The following BCAS3 variants were observed in gnomAD, a reference collection of about 807,000 sequenced individuals.
BCAS3 encodes the protein BCAS3 microtubule associated cell migration factor.
Under a neutral mutation model 116.1 loss-of-function variants are expected in BCAS3, and 53 were observed. The ratio of observed to expected loss-of-function variants is 0.46; its 90% CI spans 0.37 to 0.57. The LOEUF (loss-of-function observed/expected upper bound fraction) is 0.57. Among genes scored for constraint, BCAS3 ranks in the 20% least tolerant of loss-of-function variants. The pLI, the probability that BCAS3 is intolerant of heterozygous loss-of-function variation, is 0.00. For missense variants in BCAS3, 917 were observed against 1,165.4 expected (o/e 0.79, Z 3.10); for synonymous variants, 391 against 408.2 (o/e 0.96, Z 0.51).
At chr17:61,045,249 C>T (rs1459132869) in intron 19 of BCAS3, among the ~76,000 whole-genome samples, 1 of 151,906 alleles carries the variant, frequency 6.6e-6, no homozygotes, top group African/African-American at 2.4e-5. Context: ...TGGCTCATGC[C>T]TGTAATCCTG....
chr17:60,694,140 C>G (rs1280828018), intron 4 of BCAS3, among the ~76,000 whole-genome samples: 1 of 150,802 alleles, frequency 6.6e-6, no homozygotes, highest in African/African-American at 2.4e-5. Context: ...CCCGCTTCGG[C>G]CTTCCAAAGT....
At chr17:60,914,982 A>G (rs1289990774) in intron 12 of BCAS3, among the ~76,000 whole-genome samples, 2 of 152,192 alleles carry the variant, frequency 1.3e-5, no homozygotes, top group Non-Finnish European at 2.9e-5. Flanking sequence ...GAGGTCAACT[A>G]TACATGTAAA....
rs567226913 is a variant in BCAS3 at position 60,684,033 on chromosome 17, A to G, written c.135A>G (p.Pro45=). The part of the protein sequence containing the change: ...SVVTFLQDVV[P]QAYSGTPLTE... ...TGACTTTTCTGCAGGATGTTGTGCCACAGGTAAGTGTCTATATGTGCTTTC... is the reference window on the plus strand; with the variant it reads ...TGACTTTTCTGCAGGATGTTGTGCCGCAGGTAAGTGTCTATATGTGCTTTC... The change falls in exon 3 of 24, where the codon CCA becomes CCG. Residue 45 remains proline, a synonymous_variant. Transcript: ENST00000407086. 13 of 1,613,636 alleles carry G rather than the reference A, an allele frequency of 8.1e-6. No homozygotes were observed. Among genetic ancestry groups the G allele is most frequent in the Admixed American group, 1.7e-5 (1 of 59,982 alleles).
chr17:60,847,924 G>A (rs567992293), intron 7 of BCAS3, among the ~76,000 whole-genome samples: 24 of 152,202 alleles, frequency 1.6e-4, no homozygotes, highest in African/African-American at 5.5e-4. Flanking sequence ...CCAAATTCAA[G>A]GTCAGGAAGA....
In BCAS3 at chr17:61,098,335, C is replaced by A. The variant is rs1231212179; in HGVS notation, c.2425+13771C>A. ...CTTTCTGTTCTTAGTATTTAAGAGG[C>A]CTTCATAATCACAGAAGAGAGTGAT... On this transcript the variant is annotated intron_variant, in intron 22 of 23. Transcript: ENST00000407086. This position sits in a 1 kb window ranked among gnomAD's most constrained non-coding sequence, Gnocchi z 4.2. Among the ~76,000 whole-genome samples, 2 of 152,106 alleles carry A rather than the reference C, an allele frequency of 1.3e-5. No individual in the cohort carries two copies. The highest frequency in any genetic ancestry group is 6.5e-5 in the Admixed American group (1 of 15,274).
intron 5 of BCAS3, among the ~76,000 whole-genome samples, chr17:60,740,806 G>A (rs2041474686): frequency 6.6e-6 from 1 of 152,130 alleles, no homozygotes; most frequent in Admixed American, 6.5e-5. Flanking sequence ...AGTAGTTTCT[G>A]TCGAGGCCAG....
At chr17:60,814,281 G>C (rs2049116593) in intron 7 of BCAS3, among the ~76,000 whole-genome samples, 1 of 130,974 alleles carries the variant, frequency 7.6e-6, no homozygotes, top group South Asian at 2.1e-4. Flanking sequence ...GTGTGTGTGT[G>C]TGTGTGTGTG....
In BCAS3 at chr17:60,966,663, T is replaced by C. The variant is rs1292551833; in HGVS notation, c.1221+19311T>C. ...TTATACTTTTACTCTATCACCCAAC[T>C]TTTTTTTTTTTTTTTTTTTGAGACA... On this transcript the variant is annotated intron_variant, in intron 14 of 23. Transcript: ENST00000407086. 7.4e-5 allele frequency among the ~76,000 whole-genome samples: 8 copies of C among 107,432 alleles called. No homozygotes were observed. The East Asian group carries it at 1.8e-3, about 24-fold the overall frequency. The allele number at this position is 107,432 out of a possible 152,430, so 70.5% of individuals were successfully genotyped here.
rs1283074449 is a variant in BCAS3 at position 61,097,071 on chromosome 17, A to G, written c.2425+12507A>G. ...AAACTCAGTGTATGCTGAGTGAGAT[A>G]TTAATAAACACAAAGAAAACCATAC... On this transcript the variant is annotated intron_variant, in intron 22 of 23. Transcript: ENST00000407086. This position sits in a 1 kb window ranked among gnomAD's most constrained non-coding sequence, Gnocchi z 4.0. Among the ~76,000 whole-genome samples the G allele has an allele frequency of 6.6e-6, 1 of 152,238 alleles. No homozygotes were observed. Among genetic ancestry groups the G allele is most frequent in the Non-Finnish European group, 1.5e-5 (1 of 68,040 alleles).
At chr17:60,690,474 G>A (rs1304102010) in intron 4 of BCAS3, among the ~76,000 whole-genome samples, 2 of 152,176 alleles carry the variant, frequency 1.3e-5, no homozygotes, top group Admixed American at 1.3e-4. Flanking sequence ...GGAGGCTGAG[G>A]TGGGAGGATT....
At chr17:61,000,730 C>T (rs1441139331) in intron 15 of BCAS3, among the ~76,000 whole-genome samples, 1 of 152,142 alleles carries the variant, frequency 6.6e-6, no homozygotes, top group South Asian at 2.1e-4. Context: ...TAATTGTGAA[C>T]TTATTCTTTA....
intron 22 of BCAS3, among the ~76,000 whole-genome samples, chr17:61,283,281 T>G (rs766646683): frequency 6.6e-6 from 1 of 152,204 alleles, no homozygotes; most frequent in Non-Finnish European, 1.5e-5. Context: ...ACTAGTTAGC[T>G]TCATCCACCA....
At chr17:60,914,875 A>G (rs1048478066) in intron 12 of BCAS3, among the ~76,000 whole-genome samples, 2 of 152,210 alleles carry the variant, frequency 1.3e-5, no homozygotes, top group Non-Finnish European at 2.9e-5. Flanking sequence ...CTTCCAGTCA[A>G]TAGTAGGCTA....
chr17:60,858,586 T>C (rs1400101562), intron 7 of BCAS3, among the ~76,000 whole-genome samples: 1 of 152,218 alleles, frequency 6.6e-6, no homozygotes, highest in Non-Finnish European at 1.5e-5. Flanking sequence ...TAATTGTTTC[T>C]AGGCTTTTTA....
intron 10 of BCAS3, among the ~76,000 whole-genome samples, chr17:60,896,704 A>C (rs2145037199): frequency 6.8e-6 from 1 of 146,692 alleles, no homozygotes; most frequent in East Asian, 2.0e-4. Context: ...CTTTACTTTT[A>C]GTCTACATAT....
At chr17:60,807,293 A>T (rs1287604359) in intron 6 of BCAS3, among the ~76,000 whole-genome samples, 1 of 151,720 alleles carries the variant, frequency 6.6e-6, no homozygotes, top group Non-Finnish European at 1.5e-5. Context: ...TTTGTTTAGG[A>T]TTTTTGCAAC....
intron 22 of BCAS3, among the ~76,000 whole-genome samples, chr17:61,360,694 A>G (rs1226909250): frequency 6.6e-6 from 1 of 152,240 alleles, no homozygotes; most frequent in Non-Finnish European, 1.5e-5. Flanking sequence ...TAAACCCAGG[A>G]TGATCTCAAC....
intron 22 of BCAS3, among the ~76,000 whole-genome samples, chr17:61,240,579 A>C (rs1409488788): frequency 1.3e-5 from 2 of 152,218 alleles, no homozygotes; most frequent in African/African-American, 4.8e-5. Flanking sequence ...GCTTGAACTC[A>C]GGAAGCAGAG....
In BCAS3 at chr17:60,932,000, G is replaced by A. The variant is rs866589989; in HGVS notation, c.1087+7500G>A. 8.5e-4 allele frequency among the ~76,000 whole-genome samples: 130 copies of A among 152,194 alleles called. 2 individuals are homozygous for A. Among genetic ancestry groups the A allele is most frequent in the African/African-American group, 3.0e-3 (123 of 41,522 alleles). On this transcript the variant is annotated intron_variant, in intron 13 of 23. Transcript: ENST00000407086. ...AGGCAGGGGGATTGCTTAAGCCTGGGAGGCAGAAATTGCAGTGAGCTGAGA... is the reference window on the plus strand; with the variant it reads ...AGGCAGGGGGATTGCTTAAGCCTGGAAGGCAGAAATTGCAGTGAGCTGAGA...
Sources: gnomAD v4.1 joint callset for allele counts (sites outside exome capture counted in the v4.1 genomes callset) on GRCh38, gnomAD v4.1.1 for gene constraint, Gnocchi (gnomAD v3.1) non-coding constraint, MANE v1.5 for transcripts, NCBI Gene and HGNC (gene_info 2026-07-23, HGNC 2026-07-21) for gene names.